Variants in RIN3 observed in about 807,000 individuals in gnomAD.
The protein encoded by RIN3 is Ras and Rab interactor 3.
RIN3 carries 54 observed loss-of-function variants against 76.3 expected under a neutral mutation model. The ratio of observed to expected loss-of-function variants is 0.71; its 90% CI spans 0.57 to 0.89. The LOEUF (loss-of-function observed/expected upper bound fraction) is 0.89. Among genes scored for constraint, RIN3 ranks in the 40% least tolerant of loss-of-function variants. The pLI, the probability that RIN3 is intolerant of heterozygous loss-of-function variation, is 0.00. For synonymous variants in RIN3, 576 were observed against 564.0 expected, an observed-to-expected ratio of 1.02 and a Z score of -0.30; for missense variants, 1,256 against 1,322.1, an observed-to-expected ratio of 0.95 and a Z score of 0.78.
rs556699389 is a variant in RIN3 at position 92,641,392 on chromosome 14, G to A, written c.532+63G>A. 599 of 1,245,478 alleles carry A rather than the reference G, an allele frequency of 4.8e-4. 1 individual carries two copies. The highest frequency in any genetic ancestry group is 2.7e-3 in the South Asian group (225 of 82,364). The allele number at this position is 1,245,478 out of a possible 1,614,324, so 77.2% of individuals were successfully genotyped here. On this transcript the variant is annotated intron_variant, in intron 5 of 9. Transcript: ENST00000216487. ...CGTTAGGAACTGGGGCCCTAGGACT[G>A]CCCCAGGGGCCGCCTGTGCAGAGGG...
At chr14:92,604,848 C>T (rs7140615) in intron 3 of RIN3, among the ~76,000 whole-genome samples, 4,247 of 150,624 alleles carry the variant, frequency 0.028, 216 homozygotes, top group African/African-American at 0.099. Flanking sequence ...GCCCATATAC[C>T]GGCAGATTCC....
intron 1 of RIN3, among the ~76,000 whole-genome samples, chr14:92,535,949 G>A (rs1173882883): frequency 1.3e-5 from 2 of 151,720 alleles, no homozygotes; most frequent in Admixed American, 1.3e-4. Flanking sequence ...TTTTCCCTCA[G>A]TTGGATACCC....
chr14:92,662,954 G>A (rs555397255), intron 7 of RIN3, among the ~76,000 whole-genome samples: 2 of 152,054 alleles, frequency 1.3e-5, no homozygotes, highest in South Asian at 4.2e-4. Flanking sequence ...GGGACTACAG[G>A]TATGTGCCAC....
intron 1 of RIN3, among the ~76,000 whole-genome samples, chr14:92,516,847 G>T (rs546069648): frequency 1.3e-5 from 2 of 152,170 alleles, no homozygotes; most frequent in East Asian, 3.8e-4. Flanking sequence ...CAGGGCACCC[G>T]CATTTTAACC....
intron 1 of RIN3, among the ~76,000 whole-genome samples, chr14:92,551,513 TAA>T (rs1393086311): frequency 6.6e-6 from 1 of 152,156 alleles, no homozygotes; most frequent in African/African-American, 2.4e-5. Context: ...TTAGGTTTAT[TAA>T]AAAGTGCCAT....
At chr14:92,534,602 A>AAAAG (rs150558567) in intron 1 of RIN3, among the ~76,000 whole-genome samples, 15 of 150,648 alleles carry the variant, frequency 1.0e-4, no homozygotes, top group African/African-American at 1.7e-4. Flanking sequence ...AAAAAAAACA[A>AAAAG]AAAGAAAGAA....
At chr14:92,621,907 C>T in intron 4 of RIN3, among the ~76,000 whole-genome samples, 1 of 152,096 alleles carries the variant, frequency 6.6e-6, no homozygotes, top group Non-Finnish European at 1.5e-5. Context: ...TTTACTTTAC[C>T]CCAATAGATA....
chr14:92,570,167 T>A (rs937705681), intron 2 of RIN3, among the ~76,000 whole-genome samples: 1 of 152,164 alleles, frequency 6.6e-6, no homozygotes, highest in African/African-American at 2.4e-5. Context: ...GGTTGCAATT[T>A]AGGAGGGCTC....
In RIN3 at chr14:92,514,176, C is replaced by A. The variant is rs1443556180; in HGVS notation, c.44+200C>A. On this transcript the variant is annotated intron_variant, in intron 1 of 9. Transcript: ENST00000216487. The surrounding 1 kb of genome is among the most constrained non-coding windows in gnomAD (Gnocchi z 7.2). Reference sequence around the variant, plus strand: ...GCGGCCCTGGTGACTCCGCTGGACCCGATGTTGGCTAAACTTTCAAGGCCA... The same window carrying A: ...GCGGCCCTGGTGACTCCGCTGGACCAGATGTTGGCTAAACTTTCAAGGCCA... Among the ~76,000 whole-genome samples the A allele has an allele frequency of 6.6e-6, 1 of 152,258 alleles. No homozygotes were observed. Among genetic ancestry groups the A allele is most frequent in the East Asian group, 1.9e-4 (1 of 5,174 alleles).
chr14:92,668,685 G>A (rs554152585), intron 7 of RIN3, among the ~76,000 whole-genome samples: 2 of 152,238 alleles, frequency 1.3e-5, no homozygotes, highest in South Asian at 4.1e-4. Context: ...TCTGTGCAGC[G>A]GACAGTTCAG....
chr14:92,628,777 C>T (rs1886447701), intron 4 of RIN3, among the ~76,000 whole-genome samples: 2 of 152,058 alleles, frequency 1.3e-5, no homozygotes. Context: ...GGATCAGGGA[C>T]CACACTCAGA....
intron 6 of RIN3, among the ~76,000 whole-genome samples, chr14:92,654,834 C>A (rs937767021): frequency 6.6e-6 from 1 of 152,120 alleles, no homozygotes; most frequent in Non-Finnish European, 1.5e-5. Context: ...TTTCTGCCTG[C>A]GGGGAGCTTA....
intron 1 of RIN3, among the ~76,000 whole-genome samples, chr14:92,518,824 T>TGTGTGTGA (rs774274627): frequency 6.6e-6 from 1 of 151,582 alleles, no homozygotes; most frequent in African/African-American, 2.4e-5. Context: ...TGTGTGTGTG[T>TGTGTGTGA]GTCAGCATCA....
chr14:92,612,466 C>CA (rs1453069561), intron 3 of RIN3, among the ~76,000 whole-genome samples: 2 of 152,200 alleles, frequency 1.3e-5, no homozygotes, highest in East Asian at 3.9e-4. Flanking sequence ...GGCCATCAGC[C>CA]ACGTGGTAAG....
rs571282585 is a variant in RIN3 at position 92,688,460 on chromosome 14, C to T, written c.*208C>T. On this transcript the variant is annotated 3_prime_UTR_variant, in exon 10 of 10. Transcript: ENST00000216487. Reference sequence around the variant, plus strand: ...GCAAGTCCTAATAGCCCTGAGACACCGAGACGGCATGTTCTTCATTAGACG... The same window carrying T: ...GCAAGTCCTAATAGCCCTGAGACACTGAGACGGCATGTTCTTCATTAGACG... The T allele has an allele frequency of 6.3e-5, 36 of 573,736 alleles. 1 individual carries two copies. Among genetic ancestry groups the T allele is most frequent in the South Asian group, 4.7e-4 (21 of 44,494 alleles). 35.5% of individuals were successfully genotyped at this position (573,736 alleles called of 1,614,324 possible).
Position 92,652,617 on chromosome 14 carries a change from G to A in RIN3, c.1568G>A (p.Ser523Asn). ...GCCCAGGCCACTGCCCATTCCCAGA[G>A]CTCTCCAGAGTTCAAGGGCTCCCTG... ...PPAQATAHSQ[S>N]SPEFKGSLAS... The change falls in exon 6 of 10, where the codon AGC (serine) becomes AAC (asparagine). Residue 523 changes from serine (S) to asparagine (N), a missense_variant. Coordinates refer to ENST00000216487, the MANE Select transcript of RIN3 (RefSeq NM_024832.5). The surrounding 1 kb of genome is among the most constrained non-coding windows in gnomAD (Gnocchi z 6.4). 1 of 1,610,940 alleles carries A rather than the reference G, an allele frequency of 6.2e-7. No individual in the cohort carries two copies. Among genetic ancestry groups the A allele is most frequent in the Non-Finnish European group, 8.5e-7 (1 of 1,179,876 alleles).
At chr14:92,574,251 G>A (rs566860239) in intron 2 of RIN3, among the ~76,000 whole-genome samples, 1 of 152,244 alleles carries the variant, frequency 6.6e-6, no homozygotes, top group Non-Finnish European at 1.5e-5. Context: ...TGAGCTTGAG[G>A]AGGCAGTATC....
At chr14:92,668,624 G>A (rs1393391280) in intron 7 of RIN3, among the ~76,000 whole-genome samples, 1 of 152,212 alleles carries the variant, frequency 6.6e-6, no homozygotes, top group Non-Finnish European at 1.5e-5. Flanking sequence ...CCACAGACTT[G>A]ACAAGTGACC....
intron 8 of RIN3, among the ~76,000 whole-genome samples, chr14:92,680,906 T>C (rs1201470246): frequency 6.6e-6 from 1 of 152,172 alleles, no homozygotes; most frequent in Admixed American, 6.5e-5. Flanking sequence ...AGGGCCTGAG[T>C]GCCAGCTTGC....
Sources: allele counts gnomAD v4.1 joint callset (sites outside exome capture counted in the v4.1 genomes callset), GRCh38; gene constraint gnomAD v4.1.1; non-coding constraint Gnocchi (gnomAD v3.1); transcripts MANE v1.5; gene names NCBI Gene and HGNC (gene_info 2026-07-23, HGNC 2026-07-21).